The following SEMA3A variants were observed in gnomAD, a reference collection of about 807,000 sequenced individuals.
SEMA3A encodes semaphorin 3A.
In SEMA3A, 29 loss-of-function variants were observed where a neutral mutation model predicts 97.9. The ratio of observed to expected loss-of-function variants is 0.30; its 90% CI spans 0.22 to 0.40. The LOEUF (loss-of-function observed/expected upper bound fraction) is 0.40, where lower values mean the gene tolerates loss of function less well. SEMA3A is among the 10% of genes least tolerant of loss of function. The probability of loss-of-function intolerance (pLI) is 1.00; values close to 1 mark genes in which losing one functional copy is unlikely to be tolerated. For synonymous variants in SEMA3A, 321 were observed against 323.7 expected (o/e 0.99, Z 0.09); for missense variants, 763 against 951.3 (o/e 0.80, Z 2.60).
At chr7:84,130,660 C>T (rs1363514456) in intron 2 of SEMA3A, among the ~76,000 whole-genome samples, 1 of 152,048 alleles carries the variant, frequency 6.6e-6, no homozygotes, top group Non-Finnish European at 1.5e-5. Context: ...AGAATGATTG[C>T]TGGGCAATCC....
chr7:84,414,120 A>G (rs1265175734), intron 1 of SEMA3A, among the ~76,000 whole-genome samples: 3 of 152,164 alleles, frequency 2.0e-5, no homozygotes, highest in African/African-American at 7.2e-5. Context: ...ATTTGATTCC[A>G]GTTTAAAAAG....
At chr7:84,485,854 T>C (rs1806561910) in intron 1 of SEMA3A, among the ~76,000 whole-genome samples, 1 of 152,218 alleles carries the variant, frequency 6.6e-6, no homozygotes, top group Admixed American at 6.5e-5. Flanking sequence ...GTTTCATTTC[T>C]GAAATTGTTG....
At chr7:84,302,875 A>C (rs1052473592) in intron 3 of SEMA3A, among the ~76,000 whole-genome samples, 21 of 152,288 alleles carry the variant, frequency 1.4e-4, no homozygotes, top group African/African-American at 4.8e-4. Context: ...CAATTTCTTA[A>C]TGTAAACACT....
At chr7:83,990,036 T>G (rs1165419167) in intron 12 of SEMA3A, among the ~76,000 whole-genome samples, 1 of 151,984 alleles carries the variant, frequency 6.6e-6, no homozygotes, top group Non-Finnish European at 1.5e-5. Flanking sequence ...GGTATCTCAT[T>G]GTGGTTTTGA....
At chr7:84,411,061 G>A (rs1804251081) in intron 1 of SEMA3A, among the ~76,000 whole-genome samples, 2 of 152,092 alleles carry the variant, frequency 1.3e-5, no homozygotes, top group African/African-American at 2.4e-5. Context: ...TATATTGTCT[G>A]TGTGTTTGTG....
intron 1 of SEMA3A, among the ~76,000 whole-genome samples, chr7:84,155,214 C>G (rs1375516338): frequency 6.6e-6 from 1 of 152,120 alleles, no homozygotes; most frequent in Non-Finnish European, 1.5e-5. Flanking sequence ...ATTTTCATGA[C>G]GCAGGATTCT....
chr7:84,114,038 A>G (rs1795351066), intron 3 of SEMA3A, among the ~76,000 whole-genome samples: 1 of 152,156 alleles, frequency 6.6e-6, no homozygotes. Flanking sequence ...TGATTCAAAA[A>G]CAAACATTGC....
At chr7:84,450,766 G>T (rs1471909479) in intron 1 of SEMA3A, among the ~76,000 whole-genome samples, 1 of 152,176 alleles carries the variant, frequency 6.6e-6, no homozygotes, top group East Asian at 1.9e-4. Context: ...AATTCGTGAT[G>T]TTGAACATCT....
intron 1 of SEMA3A, among the ~76,000 whole-genome samples, chr7:84,419,886 C>T (rs1248200244): frequency 6.6e-6 from 1 of 152,144 alleles, no homozygotes; most frequent in Non-Finnish European, 1.5e-5. Context: ...ATGCAATCTA[C>T]AAAAACTGCT....
chr7:84,157,613 A>G (rs1796885306), intron 1 of SEMA3A, among the ~76,000 whole-genome samples: 1 of 152,204 alleles, frequency 6.6e-6, no homozygotes, highest in African/African-American at 2.4e-5. Context: ...TATTCTGACT[A>G]AGGTATCTTC....
chr7:84,131,521 A>C (rs1795960719), intron 2 of SEMA3A, among the ~76,000 whole-genome samples: 1 of 152,164 alleles, frequency 6.6e-6, no homozygotes, highest in African/African-American at 2.4e-5. Flanking sequence ...AAAGCCAAGA[A>C]TCTTTCCACA....
intron 2 of SEMA3A, among the ~76,000 whole-genome samples, chr7:84,369,926 G>A (rs1266099025): frequency 2.0e-5 from 3 of 150,766 alleles, no homozygotes; most frequent in Non-Finnish European, 4.5e-5. Flanking sequence ...GCTAGGTAGA[G>A]GCTGGACCTG....
At chr7:84,017,592 G>T (rs965213643) in intron 6 of SEMA3A, among the ~76,000 whole-genome samples, 1 of 152,096 alleles carries the variant, frequency 6.6e-6, no homozygotes, top group Non-Finnish European at 1.5e-5. Flanking sequence ...AACAGGCCTT[G>T]ATTTTAGCTG....
chr7:84,248,126 A>G (rs1202963097), intron 3 of SEMA3A, among the ~76,000 whole-genome samples: 1 of 152,198 alleles, frequency 6.6e-6, no homozygotes, highest in Non-Finnish European at 1.5e-5. Context: ...AAAAACCGGC[A>G]TATGTGGTCT....
intron 6 of SEMA3A, 30 bp downstream of exon 6, chr7:84,046,294 C>T: frequency 4.3e-6 from 7 of 1,610,128 alleles, no homozygotes; most frequent in Non-Finnish European, 5.9e-6. Context: ...ACACATGTTA[C>T]ATGTCTATGT....
intron 2 of SEMA3A, among the ~76,000 whole-genome samples, chr7:84,336,183 C>A (rs1364275679): frequency 1.3e-5 from 2 of 152,044 alleles, no homozygotes; most frequent in Non-Finnish European, 2.9e-5. Flanking sequence ...AGAAACAAAC[C>A]TTCTATGAGT....
upstream of SEMA3A, among the ~76,000 whole-genome samples, chr7:84,198,261 T>C (rs1057336395): frequency 2.0e-5 from 3 of 151,956 alleles, no homozygotes; most frequent in African/African-American, 7.2e-5. Flanking sequence ...AGTGGCACGA[T>C]CTCGACTCAC....
In SEMA3A at chr7:83,958,145, A is replaced by C. The variant is rs1788338283; in HGVS notation, c.*3226T>G. ...CATTTCCTTTTTAGGTATGACATTA[A>C]AAAGAACAATACTTAATTTAAAGGG... On this transcript the variant is annotated 3_prime_UTR_variant, in exon 17 of 17. Coordinates refer to ENST00000265362, the MANE Select transcript of SEMA3A (RefSeq NM_006080.3). The C allele has an allele frequency of 6.6e-6, 1 of 152,132 alleles. No individual in the cohort carries two copies. Among genetic ancestry groups the C allele is most frequent in the Admixed American group, 6.6e-5 (1 of 15,258 alleles). The allele number at this position is 152,132 out of a possible 1,614,324, so 9.4% of individuals were successfully genotyped here. A position where few individuals can be genotyped will look rare whatever the true frequency, so the allele number is the denominator to read the frequency against.
intron 3 of SEMA3A, among the ~76,000 whole-genome samples, chr7:84,264,453 GT>G (rs957037361): frequency 2.0e-5 from 3 of 152,110 alleles, no homozygotes; most frequent in Non-Finnish European, 2.9e-5. Flanking sequence ...TACTTCTGCG[GT>G]TTTTTTCTGG....
Sources: gnomAD v4.1 joint callset for allele counts (sites outside exome capture counted in the v4.1 genomes callset) on GRCh38, gnomAD v4.1.1 for gene constraint, MANE v1.5 for transcripts, NCBI Gene and HGNC (gene_info 2026-07-23, HGNC 2026-07-21) for gene names.